Variants in PPP1R7 observed in about 807,000 individuals in gnomAD.
PPP1R7 encodes protein phosphatase 1 regulatory subunit 22.
Under a neutral mutation model 45.2 loss-of-function variants are expected in PPP1R7, and 18 were observed. The ratio of observed to expected loss-of-function variants is 0.40; its 90% confidence interval spans 0.28 to 0.59. The LOEUF is 0.59. PPP1R7 is among the 20% of genes least tolerant of loss of function. PPP1R7 has a pLI of 0.46. For synonymous variants in PPP1R7, 181 were observed against 183.4 expected (o/e 0.99, Z 0.11); for missense variants, 314 against 455.8 (o/e 0.69, Z 2.83).
At chr2:241,168,083 G>A (rs757442573) in intron 8 of PPP1R7, among the ~76,000 whole-genome samples, 8 of 152,022 alleles carry the variant, frequency 5.3e-5, no homozygotes, top group East Asian at 3.9e-4. Flanking sequence ...TTTCTGTGGC[G>A]TTGTGTCATG....
chr2:241,165,162 G>T (rs2149060574), intron 7 of PPP1R7, among the ~76,000 whole-genome samples: 1 of 151,934 alleles, frequency 6.6e-6, no homozygotes, highest in South Asian at 2.1e-4. Flanking sequence ...TTAACAATGA[G>T]TTCTTTTTTT....
At chr2:241,156,635 C>G (rs539195271) in intron 2 of PPP1R7, among the ~76,000 whole-genome samples, 59 of 152,260 alleles carry the variant, frequency 3.9e-4, no homozygotes, top group Non-Finnish European at 7.5e-4. Flanking sequence ...GATCACACCA[C>G]TATACTCCAG....
chr2:241,166,747 C>T (rs1249041320), intron 8 of PPP1R7, among the ~76,000 whole-genome samples: 1 of 152,204 alleles, frequency 6.6e-6, no homozygotes, highest in Non-Finnish European at 1.5e-5. Flanking sequence ...CCATTGCACA[C>T]CCACTGTGCA....
intron 6 of PPP1R7, among the ~76,000 whole-genome samples, chr2:241,161,934 G>A (rs903751380): frequency 6.6e-6 from 1 of 152,190 alleles, no homozygotes. Flanking sequence ...AAGCACATCC[G>A]CCCCTGCCCA....
upstream of PPP1R7, chr2:241,149,993 T>C (rs2067209234): frequency 4.2e-6 from 6 of 1,412,950 alleles, no homozygotes; most frequent in East Asian, 1.6e-4. Flanking sequence ...GGGAGAATGT[T>C]GTTGCTCTTG....
upstream of PPP1R7, chr2:241,150,324 C>G (rs1356710039): frequency 3.8e-6 from 5 of 1,327,706 alleles, no homozygotes; most frequent in South Asian, 2.2e-5. Flanking sequence ...AGGCGCGGCG[C>G]GCGGCCTCAT....
intron 4 of PPP1R7, 185 bp downstream of exon 4, chr2:241,158,734 T>G (rs1052882973): frequency 6.7e-6 from 4 of 601,254 alleles, no homozygotes; most frequent in Non-Finnish European, 1.2e-5. Context: ...GTCGAGGGAC[T>G]TGAGGCACAG....
intron 2 of PPP1R7, among the ~76,000 whole-genome samples, chr2:241,154,346 C>T (rs2067397694): frequency 6.6e-6 from 1 of 151,976 alleles, no homozygotes; most frequent in Admixed American, 6.6e-5. Flanking sequence ...GAAATTATTT[C>T]TGAGTCTTGC....
At chr2:241,150,667 C>G in intron 1 of PPP1R7, 120 bp downstream of exon 1, 1 of 1,305,150 alleles carries the variant, frequency 7.7e-7, no homozygotes, top group Non-Finnish European at 9.8e-7. Flanking sequence ...CCGCGCGGCC[C>G]CCTGACAGCT....
chr2:241,168,625 G>A (rs760510204), intron 8 of PPP1R7, among the ~76,000 whole-genome samples: 4 of 152,200 alleles, frequency 2.6e-5, no homozygotes, highest in African/African-American at 9.6e-5. Context: ...CCAGGGCACC[G>A]AGATGGGGTG....
Position 241,182,891 on chromosome 2 carries a change from C to T in PPP1R7, c.*68C>T, listed in dbSNP as rs891700980. 7.2e-6 allele frequency: 11 copies of T among 1,529,124 alleles called. No individual in the cohort carries two copies. The highest frequency in any genetic ancestry group is 8.0e-6 in the Non-Finnish European group (9 of 1,124,904). 94.7% of individuals were successfully genotyped at this position (1,529,124 alleles called of 1,614,324 possible). Reference sequence around the variant, plus strand: ...TGCCCAGCCACGGGTTTTTAACCCACCTGTTGCTCCTGAGGTCGTCACTAT... The same window carrying T: ...TGCCCAGCCACGGGTTTTTAACCCATCTGTTGCTCCTGAGGTCGTCACTAT... On this transcript the variant is annotated 3_prime_UTR_variant, in exon 10 of 10. Transcript: ENST00000234038.
In PPP1R7 at chr2:241,150,490, G is replaced by C; in HGVS notation, c.-6G>C. ...ACAGATTCCGGAAAGGGGAAGAGCA[G>C]CCAACATGGCGGCGGAACGCGGCGC... On this transcript the variant is annotated 5_prime_UTR_variant, in exon 1 of 10. Transcript: ENST00000234038. The C allele has an allele frequency of 6.3e-7, 1 of 1,597,272 alleles. No individual in the cohort carries two copies. Among genetic ancestry groups the C allele is most frequent in the South Asian group, 1.1e-5 (1 of 89,076 alleles).
intron 1 of PPP1R7, among the ~76,000 whole-genome samples, chr2:241,150,854 C>T (rs912022630): frequency 2.0e-5 from 3 of 152,014 alleles, no homozygotes; most frequent in Non-Finnish European, 4.4e-5. Context: ...AGCCTCGCCC[C>T]GAGCCTCTGA....
chr2:241,159,798 A>T (rs545308439), intron 5 of PPP1R7, among the ~76,000 whole-genome samples: 1 of 152,110 alleles, frequency 6.6e-6, no homozygotes. Flanking sequence ...TGGGAGGCCA[A>T]ATTGGGAGGA....
upstream of PPP1R7, chr2:241,149,631 A>T: frequency 1.3e-6 from 2 of 1,538,582 alleles, no homozygotes; most frequent in South Asian, 1.2e-5. Flanking sequence ...GGCGCTTCGG[A>T]GGAGCCAAAG....
intron 9 of PPP1R7, among the ~76,000 whole-genome samples, chr2:241,179,554 A>G (rs1202803996): frequency 6.6e-6 from 1 of 152,220 alleles, no homozygotes; most frequent in Non-Finnish European, 1.5e-5. Flanking sequence ...TAGTTTTTAA[A>G]AAACAGTGTG....
In PPP1R7 at chr2:241,163,286, C is replaced by G. The variant is rs1478545260; in HGVS notation, c.599C>G (p.Ala200Gly). The change falls in exon 7 of 10, where the codon GCA (alanine) becomes GGA (glycine). Residue 200 changes from alanine to glycine, a missense_variant and splice_region_variant. By Grantham distance (60) the Ala-to-Gly change is moderately conservative. Coordinates refer to ENST00000234038, the MANE Select transcript of PPP1R7 (RefSeq NM_002712.3). ...MLELGSNRIR[A>G]IENIDTLTNL... ...ATTGCTGTTCTGTCCTTTCCACAGG[C>G]AATCGAAAATATCGACACCTTAACC... 6.2e-7 allele frequency: 1 copy of G among 1,605,096 alleles called. No homozygotes were observed. The highest frequency in any genetic ancestry group is 1.3e-5 in the African/African-American group (1 of 74,744).
intron 9 of PPP1R7, among the ~76,000 whole-genome samples, chr2:241,177,504 G>C (rs779544882): frequency 1.3e-5 from 2 of 152,184 alleles, no homozygotes; most frequent in African/African-American, 4.8e-5. Context: ...TTTATAAAGC[G>C]TATGTATTTT....
At chr2:241,165,844 G>A (rs758828528) in intron 7 of PPP1R7, among the ~76,000 whole-genome samples, 5 of 150,394 alleles carry the variant, frequency 3.3e-5, no homozygotes, top group African/African-American at 4.9e-5. Flanking sequence ...TGATCCTCTC[G>A]CCTCGGCCTC....
Sources: gnomAD v4.1 joint callset for allele counts (sites outside exome capture counted in the v4.1 genomes callset) on GRCh38, gnomAD v4.1.1 for gene constraint, MANE v1.5 for transcripts, NCBI Gene and HGNC (gene_info 2026-07-23, HGNC 2026-07-21) for gene names.